UBQLN1: variants seen among roughly 807,000 people sequenced by gnomAD.
UBQLN1 encodes ubiquilin-1.
UBQLN1 carries 13 observed loss-of-function variants against 65.4 expected under a neutral mutation model. That is an observed-to-expected ratio of 0.20 (90% CI 0.13 to 0.32). The LOEUF is 0.32. Among genes scored for constraint, UBQLN1 ranks in the 10% least tolerant of loss-of-function variants. The pLI is 1.00. For synonymous variants in UBQLN1, 267 were observed against 247.8 expected (o/e 1.08, Z -0.73); for missense variants, 561 against 724.0 (o/e 0.77, Z 2.58).
chr9:83,668,590 T>C, intron 7 of UBQLN1: 1 of 985,518 alleles, frequency 1.0e-6, no homozygotes, highest in Non-Finnish European at 1.2e-6. Flanking sequence ...ATCCTGAGTG[T>C]TCAGCCAGCA....
chr9:83,684,568 T>C (rs758853425), intron 2 of UBQLN1, among the ~76,000 whole-genome samples: 11 of 152,002 alleles, frequency 7.2e-5, no homozygotes, highest in Non-Finnish European at 1.3e-4. Context: ...TCCCAGCACT[T>C]TGGGAGGCCA....
chr9:83,687,556 C>CA (rs748642099), intron 1 of UBQLN1, among the ~76,000 whole-genome samples: 6 of 152,158 alleles, frequency 3.9e-5, no homozygotes, highest in East Asian at 3.8e-4. Flanking sequence ...TATATAGGGG[C>CA]ATTCTTCTGG....
At chr9:83,706,737 TTTTA>T (rs1438966599) in intron 1 of UBQLN1, among the ~76,000 whole-genome samples, 2 of 152,270 alleles carry the variant, frequency 1.3e-5, no homozygotes, top group African/African-American at 2.4e-5. Context: ...TCCGATTTTC[TTTTA>T]TTTGATTGCA....
chr9:83,706,484 G>A (rs915895291), intron 1 of UBQLN1, among the ~76,000 whole-genome samples: 4 of 152,098 alleles, frequency 2.6e-5, no homozygotes, highest in African/African-American at 9.7e-5. Flanking sequence ...TTTGGAACTC[G>A]TTAAACCAAT....
intron 8 of UBQLN1, chr9:83,665,463 C>T (rs1413500043): frequency 4.5e-6 from 1 of 223,092 alleles, no homozygotes; most frequent in African/African-American, 2.3e-5. Flanking sequence ...TAAGACACAA[C>T]CTCCAAAGGC....
At chr9:83,663,016 C>A (rs1831585532) in intron 10 of UBQLN1, among the ~76,000 whole-genome samples, 1 of 147,566 alleles carries the variant, frequency 6.8e-6, no homozygotes, top group Non-Finnish European at 1.5e-5. Context: ...GTGCAGGTCG[C>A]AGTGAGCTGT....
chr9:83,669,250 A>C lies in UBQLN1; in HGVS notation c.1183T>G (p.Leu395Val). The change falls in exon 7 of 11, where the codon TTG (leucine) becomes GTG (valine). Residue 395 changes from leucine to valine, a missense_variant. By Grantham distance (32) the Leu-to-Val change is conservative. Around this residue, in one of 8 missense-constraint regions of UBQLN1, gnomAD observed 102 missense variants for 150.7 expected, o/e 0.68. Coordinates refer to ENST00000376395, the MANE Select transcript of UBQLN1 (RefSeq NM_013438.5). Reference protein sequence around the residue: ...TENPQLMQNMLSAPYMRSMMQ... With the variant: ...TENPQLMQNMVSAPYMRSMMQ... ...ATGCTTCTCATGTAGGGGGCAGACAACATGTTTTGCATCAGTTGTGGGTTT... is the reference window on the plus strand; with the variant it reads ...ATGCTTCTCATGTAGGGGGCAGACACCATGTTTTGCATCAGTTGTGGGTTT... 6.2e-7 allele frequency: 1 copy of C among 1,612,800 alleles called. No homozygotes were observed. The highest frequency in any genetic ancestry group is 8.5e-7 in the Non-Finnish European group (1 of 1,179,800).
chr9:83,670,542 T>C (rs1328802231), intron 6 of UBQLN1, among the ~76,000 whole-genome samples: 1 of 152,044 alleles, frequency 6.6e-6, no homozygotes, highest in East Asian at 1.9e-4. Flanking sequence ...CAGCCTTCGG[T>C]CTAAAAAAAA....
intron 2 of UBQLN1, among the ~76,000 whole-genome samples, chr9:83,685,367 A>G (rs1832022999): frequency 6.6e-6 from 1 of 152,224 alleles, no homozygotes; most frequent in African/African-American, 2.4e-5. Flanking sequence ...ATGTTATGCA[A>G]GAGTGATATG....
At chr9:83,701,429 C>T (rs1832307632) in intron 1 of UBQLN1, among the ~76,000 whole-genome samples, 1 of 152,088 alleles carries the variant, frequency 6.6e-6, no homozygotes, top group Non-Finnish European at 1.5e-5. Flanking sequence ...ATAAAAATAA[C>T]ATCTCAGAAT....
intron 10 of UBQLN1, among the ~76,000 whole-genome samples, chr9:83,662,273 T>TACATATACACAC (rs1554726264): frequency 2.1e-5 from 3 of 143,350 alleles, no homozygotes; most frequent in African/African-American, 8.0e-5. Flanking sequence ...CATATACATA[T>TACATATACACAC]ACACACACAC....
chr9:83,681,209 T>A (rs1831934674), intron 3 of UBQLN1, among the ~76,000 whole-genome samples: 1 of 152,204 alleles, frequency 6.6e-6, no homozygotes, highest in Admixed American at 6.5e-5. Flanking sequence ...AGGACTTCAA[T>A]CAAGGAGAAA....
chr9:83,671,651 T>G (rs1407359144), intron 6 of UBQLN1, among the ~76,000 whole-genome samples: 5 of 152,240 alleles, frequency 3.3e-5, no homozygotes, highest in Non-Finnish European at 5.9e-5. Flanking sequence ...ACAGATGTGC[T>G]GTCATCCAGG....
intron 1 of UBQLN1, among the ~76,000 whole-genome samples, chr9:83,702,921 T>C (rs1832335513): frequency 6.6e-6 from 1 of 152,188 alleles, no homozygotes; most frequent in African/African-American, 2.4e-5. Flanking sequence ...GAAGGCACTT[T>C]CTAAAACCAG....
At chr9:83,685,937 C>A (rs931773809) in intron 2 of UBQLN1, 67 bp downstream of exon 2, 3 of 1,359,520 alleles carry the variant, frequency 2.2e-6, no homozygotes, top group East Asian at 5.1e-5. Context: ...ACAGCCAACA[C>A]TAGTTACTTT....
intron 1 of UBQLN1, among the ~76,000 whole-genome samples, chr9:83,699,934 G>A (rs1832283878): frequency 6.6e-6 from 1 of 152,170 alleles, no homozygotes; most frequent in Admixed American, 6.5e-5. Context: ...AATTTTGTGA[G>A]CCAGTTTAAT....
chr9:83,671,142 A>G (rs995735875), intron 6 of UBQLN1, among the ~76,000 whole-genome samples: 1 of 152,112 alleles, frequency 6.6e-6, no homozygotes, highest in Non-Finnish European at 1.5e-5. Flanking sequence ...GCTCCACTTC[A>G]CATTCTAGTT....
rs1246748113 is a variant in UBQLN1 at position 83,679,805 on chromosome 9, A to G, written c.681T>C (p.His227=). The change falls in exon 4 of 11, where the codon CAT becomes CAC. Residue 227 remains histidine, a synonymous_variant. Transcript: ENST00000376395. ...QLIQRNPEIS[H]MLNNPDIMRQ... ...TCATTATATCTGGATTATTCAACAT[A>G]TGACTAATTTCTGGATTTCTCTGTA... 6.2e-7 allele frequency: 1 copy of G among 1,614,144 alleles called. No homozygotes were observed. Among genetic ancestry groups the G allele is most frequent in the East Asian group, 2.2e-5 (1 of 44,874 alleles).
chr9:83,666,361 A>G lies in UBQLN1; in HGVS notation c.1321T>C (p.Phe441Leu). The change falls in exon 8 of 11, where the codon TTC becomes CTC. Residue 441 changes from phenylalanine to leucine, a missense_variant. Physicochemically the swap from Phe to Leu is conservative, Grantham distance 22 (BLOSUM62 0). Coordinates refer to ENST00000376395, the MANE Select transcript of UBQLN1 (RefSeq NM_013438.5). ...CTTGTCTTACTCACTTGTTGGAGGA[A>G]AGTTGGGAGCTGTTGTCTCATTTGT... ...QEQMRQQLPT[F>L]LQQMQNPDTL... 6.2e-7 allele frequency: 1 copy of G among 1,613,878 alleles called. No individual in the cohort carries two copies. The highest frequency in any genetic ancestry group is 8.5e-7 in the Non-Finnish European group (1 of 1,179,810).
Sources: gnomAD v4.1 joint callset for allele counts (sites outside exome capture counted in the v4.1 genomes callset) on GRCh38, gnomAD v4.1.1 for gene constraint, gnomAD v4.1.1 regional missense constraint, MANE v1.5 for transcripts, NCBI Gene and HGNC (gene_info 2026-07-23, HGNC 2026-07-21) for gene names.